The following WDR86 variants were observed in gnomAD, a reference collection of about 807,000 sequenced individuals.
The protein encoded by WDR86 is WD repeat domain 86, also known as WD repeat-containing protein 86.
WDR86 carries 30 observed loss-of-function variants against 36.5 expected under a neutral mutation model. That is an observed-to-expected ratio of 0.82 (90% CI 0.61 to 1.11). WDR86 has a LOEUF of 1.11. WDR86 is among the 50% of genes most tolerant of loss of function. WDR86 has a pLI of 0.00. For missense variants in WDR86, 545 were observed against 561.2 expected, an observed-to-expected ratio of 0.97 and a Z score of 0.29; for synonymous variants, 255 against 252.9, an observed-to-expected ratio of 1.01 and a Z score of -0.08.
At chr7:151,376,737 G>T, downstream of WDR86, 1 of 1,600,796 alleles carries the variant, frequency 6.2e-7, no homozygotes. Flanking sequence ...AACGGAGGAA[G>T]CCTGCCTCCC....
intron 1 of WDR86, among the ~76,000 whole-genome samples, chr7:151,407,623 G>A (rs1052613286): frequency 6.6e-6 from 1 of 152,192 alleles, no homozygotes; most frequent in Non-Finnish European, 1.5e-5. Flanking sequence ...TGGATCACCT[G>A]AGGTCGGGAG....
At chr7:151,379,446 CTCAG>C (rs1798454157), downstream of WDR86, among the ~76,000 whole-genome samples, 1 of 152,106 alleles carries the variant, frequency 6.6e-6, no homozygotes, top group African/African-American at 2.4e-5. Flanking sequence ...CCAACTCCTC[CTCAG>C]TCAATTTATC....
At chr7:151,391,327 C>G (rs1337860893) in intron 3 of WDR86, among the ~76,000 whole-genome samples, 1 of 152,250 alleles carries the variant, frequency 6.6e-6, no homozygotes, top group Non-Finnish European at 1.5e-5. Context: ...AGGAAGCCCC[C>G]TCTGCGTTTA....
chr7:151,379,501 AGTGGTGTG>A (rs1798456212), downstream of WDR86, among the ~76,000 whole-genome samples: 1 of 152,182 alleles, frequency 6.6e-6, no homozygotes, highest in African/African-American at 2.4e-5. Context: ...GCAAGGCGAC[AGTGGTGTG>A]GCTGGAAGGG....
downstream of WDR86, chr7:151,376,164 TCTC>T: frequency 3.8e-6 from 2 of 529,756 alleles, no homozygotes; most frequent in Non-Finnish European, 6.8e-6. Flanking sequence ...GTCAGGAAGT[TCTC>T]TTTAGGTTTG....
At chr7:151,375,611 C>T (rs1306888773), downstream of WDR86, among the ~76,000 whole-genome samples, 2 of 152,228 alleles carry the variant, frequency 1.3e-5, no homozygotes, top group Non-Finnish European at 2.9e-5. Flanking sequence ...TCCATCCCTT[C>T]CTGCTCTAAC....
At position 151,409,677 on chromosome 7, in the gene WDR86, G is replaced by T; in HGVS notation, c.-88C>A. Reference sequence around the variant, plus strand: ...CCGCGCGGCGGCTCCGTACGACTGCGGCCCGCGGCCATCGCGGGGAACGGG... The same window carrying T: ...CCGCGCGGCGGCTCCGTACGACTGCTGCCCGCGGCCATCGCGGGGAACGGG... On this transcript the variant is annotated 5_prime_UTR_variant, in exon 1 of 6. Transcript: ENST00000334493. This position sits in a 1 kb window ranked among gnomAD's most constrained non-coding sequence, Gnocchi z 5.2. 7.7e-7 allele frequency: 1 copy of T among 1,292,388 alleles called. No homozygotes were observed. Among genetic ancestry groups the T allele is most frequent in the South Asian group, 2.5e-5 (1 of 40,702 alleles). 80.1% of individuals were successfully genotyped at this position (1,292,388 alleles called of 1,614,324 possible).
intron 1 of WDR86, chr7:151,408,845 T>G (rs1327513770): frequency 2.2e-6 from 1 of 461,382 alleles, no homozygotes; most frequent in African/African-American, 2.0e-5. Flanking sequence ...GGGCTCAGAC[T>G]GCCATCTACC....
At chr7:151,402,743 C>T (rs564248842) in intron 1 of WDR86, among the ~76,000 whole-genome samples, 1 of 152,310 alleles carries the variant, frequency 6.6e-6, no homozygotes, top group Non-Finnish European at 1.5e-5. Context: ...GTCTCAGCAC[C>T]TGAGCTACCC....
At chr7:151,394,256 G>C (rs6948770) in intron 3 of WDR86, among the ~76,000 whole-genome samples, 58,810 of 151,990 alleles carry the variant, frequency 0.39, 12,814 homozygotes, top group African/African-American at 0.57. Context: ...AGCATCTCAG[G>C]GACCTGGGTG....
downstream of WDR86, chr7:151,377,158 A>G: frequency 6.3e-7 from 1 of 1,590,484 alleles, no homozygotes; most frequent in Non-Finnish European, 8.6e-7. Context: ...CTGGAAGATG[A>G]AGAAATTATT....
At chr7:151,394,549 G>T (rs1039523558) in intron 3 of WDR86, among the ~76,000 whole-genome samples, 1 of 152,250 alleles carries the variant, frequency 6.6e-6, no homozygotes, top group Non-Finnish European at 1.5e-5. Flanking sequence ...GAGGCTGGCC[G>T]AGACTGAGCC....
chr7:151,400,689 T>A (rs1800222275), intron 1 of WDR86, among the ~76,000 whole-genome samples: 1 of 152,188 alleles, frequency 6.6e-6, no homozygotes, highest in Non-Finnish European at 1.5e-5. Context: ...AGCCCTCAAC[T>A]CATCCTTCTT....
chr7:151,376,630 C>G, downstream of WDR86: 1 of 1,607,484 alleles, frequency 6.2e-7, no homozygotes, highest in African/African-American at 1.3e-5. Context: ...GCGCTCTCCC[C>G]TAGTTGGTGT....
At chr7:151,404,451 C>G (rs954493777) in intron 1 of WDR86, among the ~76,000 whole-genome samples, 1 of 152,170 alleles carries the variant, frequency 6.6e-6, no homozygotes, top group Non-Finnish European at 1.5e-5. Context: ...TCCCCAACCC[C>G]AACCCCTATG....
Position 151,381,704 on chromosome 7 carries a change from G to A in WDR86, c.1009C>T (p.Leu337=). The A allele has an allele frequency of 1.3e-6, 2 of 1,492,702 alleles. No homozygotes were observed. The highest frequency in any genetic ancestry group is 2.6e-5 in the South Asian group (2 of 76,188). 92.5% of individuals were successfully genotyped at this position (1,492,702 alleles called of 1,614,324 possible). ...VLYTASHDGA[L]RLWDVRGLRG... Reference sequence around the variant, plus strand: ...AGCCCGCGCACGTCCCAGAGGCGCAGGGCGCCGTCGTGCGAGGCGGTGTAG... The same window carrying A: ...AGCCCGCGCACGTCCCAGAGGCGCAAGGCGCCGTCGTGCGAGGCGGTGTAG... Residue 337 remains leucine, a synonymous_variant, in exon 6 of 6, where the codon CTG becomes TTG. Coordinates refer to ENST00000334493, the MANE Select transcript of WDR86 (RefSeq NM_198285.3). This position sits in a 1 kb window ranked among gnomAD's most constrained non-coding sequence, Gnocchi z 4.8.
At chr7:151,403,013 C>T (rs975920892) in intron 1 of WDR86, among the ~76,000 whole-genome samples, 3 of 152,222 alleles carry the variant, frequency 2.0e-5, no homozygotes, top group Admixed American at 6.5e-5. Flanking sequence ...ACGCTCAGGT[C>T]CCTGTGGTGT....
chr7:151,408,927 A>G (rs1323049396), intron 1 of WDR86: 1 of 471,892 alleles, frequency 2.1e-6, no homozygotes, highest in South Asian at 1.5e-5. Context: ...GTGGGGTAAC[A>G]TAGTGTGACG....
chr7:151,407,567 A>G (rs757165217), intron 1 of WDR86, among the ~76,000 whole-genome samples: 3 of 152,198 alleles, frequency 2.0e-5, no homozygotes, highest in Non-Finnish European at 4.4e-5. Flanking sequence ...GGCCGGGTGC[A>G]GTGGCTCACA....
Sources: gnomAD v4.1 joint callset for allele counts (sites outside exome capture counted in the v4.1 genomes callset) on GRCh38, gnomAD v4.1.1 for gene constraint, Gnocchi (gnomAD v3.1) non-coding constraint, MANE v1.5 for transcripts, NCBI Gene and HGNC (gene_info 2026-07-23, HGNC 2026-07-21) for gene names.